The following SDC2 variants were observed in gnomAD, a reference collection of about 807,000 sequenced individuals.
SDC2 encodes the protein syndecan-2.
Under a neutral mutation model 22.2 loss-of-function variants are expected in SDC2, and 13 were observed. That is an observed-to-expected ratio of 0.59 (90% CI 0.38 to 0.93). The LOEUF (loss-of-function observed/expected upper bound fraction) is 0.93, where lower values mean the gene tolerates loss of function less well. SDC2 is among the 40% of genes least tolerant of loss of function. The pLI, the probability that SDC2 is intolerant of heterozygous loss-of-function variation, is 0.00. For missense variants in SDC2, 235 were observed against 246.8 expected (o/e 0.95, Z 0.32); for synonymous variants, 94 against 92.8 (o/e 1.01, Z -0.07).
chr8:96,577,215 G>A (rs531008664), intron 1 of SDC2, among the ~76,000 whole-genome samples: 48 of 152,262 alleles, frequency 3.2e-4, no homozygotes, highest in African/African-American at 8.7e-4. Flanking sequence ...GGAATGTGTC[G>A]TTTATTTGCT....
At chr8:96,577,745 C>T (rs150610264) in intron 1 of SDC2, among the ~76,000 whole-genome samples, 1 of 152,186 alleles carries the variant, frequency 6.6e-6, no homozygotes, top group African/African-American at 2.4e-5. Context: ...TGCCCACCCC[C>T]TCTTCCCCTG....
At chr8:96,524,168 A>T (rs1189058848) in intron 1 of SDC2, among the ~76,000 whole-genome samples, 1 of 152,270 alleles carries the variant, frequency 6.6e-6, no homozygotes, top group East Asian at 1.9e-4. Context: ...AGGTGCCTGC[A>T]CGGTGCTGAC....
rs985978896 is a variant in SDC2 at position 96,533,223 on chromosome 8, G to C, written c.60+38892G>C. Among the ~76,000 whole-genome samples the C allele has an allele frequency of 3.9e-5, 6 of 152,184 alleles. No homozygotes were observed. The East Asian group carries it at 5.8e-4, about 15-fold the overall frequency. On this transcript the variant is annotated intron_variant, in intron 1 of 4. Transcript: ENST00000302190. Reference sequence around the variant, plus strand: ...AGAGCAAAAGAACAAAGCTTCCACAGTGTGGAAGGGGGACCCGAGCAGGTT... The same window carrying C: ...AGAGCAAAAGAACAAAGCTTCCACACTGTGGAAGGGGGACCCGAGCAGGTT...
chr8:96,532,757 C>T (rs886712153), intron 1 of SDC2, among the ~76,000 whole-genome samples: 2 of 152,074 alleles, frequency 1.3e-5, no homozygotes, highest in Non-Finnish European at 2.9e-5. Flanking sequence ...TGAGTACATC[C>T]GGGCTATGCA....
intron 1 of SDC2, among the ~76,000 whole-genome samples, chr8:96,577,317 A>G (rs956957946): frequency 4.6e-5 from 7 of 152,240 alleles, no homozygotes; most frequent in African/African-American, 1.7e-4. Flanking sequence ...ATTCATCTAA[A>G]ACCTGGTTTC....
chr8:96,525,562 C>T (rs1178066393), intron 1 of SDC2, among the ~76,000 whole-genome samples: 1 of 152,136 alleles, frequency 6.6e-6, no homozygotes, highest in Non-Finnish European at 1.5e-5. Context: ...CAGTGTTTGC[C>T]ATCTCCTTTA....
chr8:96,599,030 C>T (rs1314555612), intron 2 of SDC2, among the ~76,000 whole-genome samples: 1 of 151,108 alleles, frequency 6.6e-6, no homozygotes, highest in African/African-American at 2.4e-5. Context: ...CAACCTCCTC[C>T]TCCCAGGTTC....
Position 96,502,092 on chromosome 8 carries a change from A to G in SDC2, c.60+7761A>G, listed in dbSNP as rs182744081. ...AGACATACCCAAGACTAGGTAATTTATAAAGGAAAGATGTTTGATGGACTC... is the reference window on the plus strand; with the variant it reads ...AGACATACCCAAGACTAGGTAATTTGTAAAGGAAAGATGTTTGATGGACTC... On this transcript the variant is annotated intron_variant, in intron 1 of 4. Coordinates refer to ENST00000302190, the MANE Select transcript of SDC2 (RefSeq NM_002998.4). Among the ~76,000 whole-genome samples the G allele has an allele frequency of 7.8e-3, 1,190 of 152,326 alleles. 4 individuals are homozygous for G. Among genetic ancestry groups the G allele is most frequent in the Non-Finnish European group, 0.012 (845 of 68,030 alleles).
chr8:96,544,022 A>G (rs1443762895), intron 1 of SDC2, among the ~76,000 whole-genome samples: 2 of 152,154 alleles, frequency 1.3e-5, no homozygotes, highest in Non-Finnish European at 2.9e-5. Flanking sequence ...ATGAACTTAG[A>G]CTAAAACCCA....
At position 96,609,806 on chromosome 8, in the gene SDC2, G is replaced by A; in HGVS notation, c.*258G>A. On this transcript the variant is annotated 3_prime_UTR_variant, in exon 5 of 5. Transcript: ENST00000302190. ...GAAAACCCTCGATGTTCATGGAATT[G>A]GTTTAAACTTTTATGCGCAAATACA... The A allele has an allele frequency of 3.4e-6, 1 of 297,112 alleles. No homozygotes were observed. Among genetic ancestry groups the A allele is most frequent in the Non-Finnish European group, 6.1e-6 (1 of 162,786 alleles). 18.4% of individuals were successfully genotyped at this position (297,112 alleles called of 1,614,324 possible).
intron 1 of SDC2, among the ~76,000 whole-genome samples, chr8:96,563,691 T>C (rs1039396182): frequency 1.3e-5 from 2 of 152,238 alleles, no homozygotes; most frequent in Non-Finnish European, 2.9e-5. Flanking sequence ...CTAATTCTAA[T>C]ACGTTTTGGT....
At chr8:96,602,351 T>A in intron 2 of SDC2, 44 bp from the exon 3 acceptor site, 1 of 1,601,180 alleles carries the variant, frequency 6.2e-7, no homozygotes, top group South Asian at 1.1e-5. Flanking sequence ...GAGACATCTG[T>A]GTCATGATTG....
chr8:96,581,542 G>A (rs888412461), intron 1 of SDC2, among the ~76,000 whole-genome samples: 2 of 151,990 alleles, frequency 1.3e-5, no homozygotes, highest in South Asian at 4.1e-4. Flanking sequence ...TGAGACAGGA[G>A]AATCTCTTGA....
intron 1 of SDC2, among the ~76,000 whole-genome samples, chr8:96,544,477 G>A (rs1040083682): frequency 3.3e-5 from 5 of 152,154 alleles, no homozygotes; most frequent in Admixed American, 3.3e-4. Context: ...CTGAAATGCT[G>A]CCGCCTCAAT....
In SDC2 at chr8:96,547,613, G is replaced by A. The variant is rs538442152; in HGVS notation, c.61-45867G>A. Among the ~76,000 whole-genome samples the A allele has an allele frequency of 4.6e-5, 7 of 152,312 alleles. No homozygotes were observed. In the South Asian group the frequency reaches 1.4e-3, roughly 32 times the overall value. ...AAAGGTGTCTGGGTATACCTGGGGA[G>A]TATATGTTTTTGCCTGCTGATATAG... On this transcript the variant is annotated intron_variant, in intron 1 of 4. Transcript: ENST00000302190.
chr8:96,559,802 G>A (rs543340663), intron 1 of SDC2, among the ~76,000 whole-genome samples: 1 of 152,262 alleles, frequency 6.6e-6, no homozygotes, highest in East Asian at 1.9e-4. Context: ...TAGTAAGCCA[G>A]CTTTTCTCTT....
chr8:96,523,889 G>A (rs1813535932), intron 1 of SDC2, among the ~76,000 whole-genome samples: 1 of 152,158 alleles, frequency 6.6e-6, no homozygotes, highest in Admixed American at 6.5e-5. Flanking sequence ...TGCTCAACGT[G>A]TTGGTAACTT....
intron 1 of SDC2, among the ~76,000 whole-genome samples, chr8:96,506,076 C>T (rs1813234404): frequency 2.0e-5 from 3 of 152,164 alleles, no homozygotes; most frequent in Admixed American, 2.0e-4. Flanking sequence ...TCACTGGTCT[C>T]CTGGAAAAGC....
At chr8:96,584,348 G>A (rs1814645827) in intron 1 of SDC2, among the ~76,000 whole-genome samples, 1 of 152,186 alleles carries the variant, frequency 6.6e-6, no homozygotes, top group Non-Finnish European at 1.5e-5. Flanking sequence ...GTCAGCCCTT[G>A]TATAGGGAGG....
Sources: allele counts gnomAD v4.1 joint callset (sites outside exome capture counted in the v4.1 genomes callset), GRCh38; gene constraint gnomAD v4.1.1; transcripts MANE v1.5; gene names NCBI Gene and HGNC (gene_info 2026-07-23, HGNC 2026-07-21).